EIF4EBP1: variants seen among roughly 807,000 people sequenced by gnomAD.
EIF4EBP1 encodes eukaryotic translation initiation factor 4E binding protein 1, also known as eukaryotic translation initiation factor 4E-binding protein 1.
In EIF4EBP1, 5 loss-of-function variants were observed where a neutral mutation model predicts 9.2. The ratio of observed to expected loss-of-function variants is 0.54; its 90% CI spans 0.28 to 1.14. The LOEUF (loss-of-function observed/expected upper bound fraction) is 1.14. Among genes scored for constraint, EIF4EBP1 ranks in the 50% most tolerant of loss-of-function variants. EIF4EBP1 has a pLI of 0.09. For missense variants in EIF4EBP1, 139 were observed against 169.6 expected (o/e 0.82, Z 1.00); for synonymous variants, 62 against 67.0 (o/e 0.93, Z 0.36).
intron 1 of EIF4EBP1, among the ~76,000 whole-genome samples, chr8:38,033,630 A>T (rs561600253): frequency 9.2e-5 from 14 of 152,052 alleles, no homozygotes; most frequent in Non-Finnish European, 2.1e-4. Flanking sequence ...CCATTGGAGT[A>T]AGTACCCCCC....
intron 1 of EIF4EBP1, among the ~76,000 whole-genome samples, chr8:38,033,480 CAA>C (rs763420653): frequency 1.4e-4 from 18 of 133,120 alleles, no homozygotes; most frequent in Non-Finnish European, 1.8e-4. Context: ...TGGAGTCTAG[CAA>C]AAAAAAAAAA....
chr8:38,039,732 T>C (rs763858583), intron 1 of EIF4EBP1, among the ~76,000 whole-genome samples: 7 of 152,156 alleles, frequency 4.6e-5, no homozygotes, highest in Admixed American at 1.3e-4. Flanking sequence ...TAAGATATTT[T>C]CTATGTATGG....
At chr8:38,047,625 C>T (rs145535746) in intron 1 of EIF4EBP1, among the ~76,000 whole-genome samples, 1,931 of 152,162 alleles carry the variant, frequency 0.013, 37 homozygotes, top group African/African-American at 0.044. Flanking sequence ...GCTGGGATTA[C>T]AGGCACATGC....
At chr8:38,045,704 CA>C (rs1484556897) in intron 1 of EIF4EBP1, among the ~76,000 whole-genome samples, 2 of 151,984 alleles carry the variant, frequency 1.3e-5, no homozygotes, top group Non-Finnish European at 2.9e-5. Context: ...GACTCTATCT[CA>C]AAAAATAATA....
chr8:38,032,428 GA>G (rs1026956693), intron 1 of EIF4EBP1, among the ~76,000 whole-genome samples: 1 of 152,196 alleles, frequency 6.6e-6, no homozygotes, highest in African/African-American at 2.4e-5. Flanking sequence ...TTGAGCCCAG[GA>G]GTTGGAGGCT....
intron 1 of EIF4EBP1, among the ~76,000 whole-genome samples, chr8:38,031,026 T>C (rs1036643657): frequency 6.6e-5 from 10 of 152,202 alleles, no homozygotes; most frequent in Admixed American, 3.9e-4. Context: ...CTTGTGGGTG[T>C]TGGGGGCGCT....
intron 1 of EIF4EBP1, among the ~76,000 whole-genome samples, chr8:38,040,163 G>A (rs1366441816): frequency 6.6e-6 from 1 of 152,210 alleles, no homozygotes; most frequent in Non-Finnish European, 1.5e-5. Context: ...GATTACAGAT[G>A]TGAGCCACTG....
At chr8:38,044,146 G>T (rs1284867515) in intron 1 of EIF4EBP1, among the ~76,000 whole-genome samples, 2 of 151,880 alleles carry the variant, frequency 1.3e-5, no homozygotes, top group Non-Finnish European at 2.9e-5. Flanking sequence ...CCTCTCCCTG[G>T]AATGGGAACA....
chr8:38,030,785 T>C lies in EIF4EBP1; in HGVS notation c.145+67T>C, dbSNP rs1293333453. The C allele has an allele frequency of 3.6e-6, 5 of 1,371,922 alleles. No homozygotes were observed. In the African/African-American group the frequency reaches 6.1e-5, roughly 17 times the overall value. 85.0% of individuals were successfully genotyped at this position (1,371,922 alleles called of 1,614,324 possible). On this transcript the variant is annotated intron_variant, in intron 1 of 2. Coordinates refer to ENST00000338825, the MANE Select transcript of EIF4EBP1 (RefSeq NM_004095.4). The stretch of plus-strand genomic sequence containing the variant: ...GGGCGGGAGGATCGGGAATCGCGGA[T>C]TGGACCGGGTGTCCAGGCTCAAGGG...
At chr8:38,040,297 C>T (rs1263741493) in intron 1 of EIF4EBP1, among the ~76,000 whole-genome samples, 1 of 152,194 alleles carries the variant, frequency 6.6e-6, no homozygotes, top group Non-Finnish European at 1.5e-5. Flanking sequence ...GAGTAAGTAA[C>T]TGCTGCTCAC....
In EIF4EBP1 at chr8:38,036,839, G is replaced by T. The variant is rs191709080; in HGVS notation, c.145+6121G>T. 3.8e-3 allele frequency among the ~76,000 whole-genome samples: 576 copies of T among 152,008 alleles called. 2 individuals are homozygous for T. Among genetic ancestry groups the T allele is most frequent in the South Asian group, 6.9e-3 (33 of 4,798 alleles). On this transcript the variant is annotated intron_variant, in intron 1 of 2. Coordinates refer to ENST00000338825, the MANE Select transcript of EIF4EBP1 (RefSeq NM_004095.4). ...AATTTTTGTATTTTTTGGTAGAGATGAGGTTTCGCCATGTTGCCCAGGCTG... is the reference window on the plus strand; with the variant it reads ...AATTTTTGTATTTTTTGGTAGAGATTAGGTTTCGCCATGTTGCCCAGGCTG...
intron 1 of EIF4EBP1, among the ~76,000 whole-genome samples, chr8:38,047,573 CT>C (rs1244806649): frequency 6.6e-6 from 1 of 151,942 alleles, no homozygotes; most frequent in Non-Finnish European, 1.5e-5. Flanking sequence ...CAACATCTGC[CT>C]CCCAGGTTCA....
intron 1 of EIF4EBP1, among the ~76,000 whole-genome samples, chr8:38,050,457 C>T (rs1585529115): frequency 6.6e-6 from 1 of 151,914 alleles, no homozygotes; most frequent in Non-Finnish European, 1.5e-5. Flanking sequence ...TCTGGTGATC[C>T]TCCCACCTCT....
In EIF4EBP1 at chr8:38,030,856, AG is replaced by A. The variant is rs914295085; in HGVS notation, c.145+141del. 65 of 1,287,684 alleles carry A rather than the reference AG, an allele frequency of 5.0e-5. 1 individual carries two copies. Among genetic ancestry groups the A allele is most frequent in the Non-Finnish European group, 6.2e-5 (62 of 997,830 alleles). 79.8% of individuals were successfully genotyped at this position (1,287,684 alleles called of 1,614,324 possible). On this transcript the variant is annotated intron_variant, in intron 1 of 2. Transcript: ENST00000338825. The stretch of plus-strand genomic sequence containing the variant: ...GAAAAGGGGCATCGGAGAGACAGCG[AG>A]GGTCATGGAAGTGGCCGCCCGCTTC...
chr8:38,046,183 G>T (rs1809446737), intron 1 of EIF4EBP1, among the ~76,000 whole-genome samples: 1 of 152,056 alleles, frequency 6.6e-6, no homozygotes, highest in Non-Finnish European at 1.5e-5. Flanking sequence ...GATTACAGGC[G>T]TGAGCTTCCC....
intron 1 of EIF4EBP1, among the ~76,000 whole-genome samples, chr8:38,050,700 C>T (rs777223188): frequency 6.6e-6 from 1 of 152,132 alleles, no homozygotes; most frequent in Non-Finnish European, 1.5e-5. Context: ...GCAGCCTCAA[C>T]TTCCTAGGCT....
intron 1 of EIF4EBP1, among the ~76,000 whole-genome samples, chr8:38,051,346 C>T (rs1809521665): frequency 6.6e-6 from 1 of 152,120 alleles, no homozygotes; most frequent in East Asian, 1.9e-4. Flanking sequence ...AGTTGGAGCT[C>T]TCCCTGCATC....
intron 1 of EIF4EBP1, among the ~76,000 whole-genome samples, chr8:38,046,007 A>G (rs1190958715): frequency 6.6e-6 from 1 of 151,976 alleles, no homozygotes; most frequent in Non-Finnish European, 1.5e-5. Flanking sequence ...GGTTCAAGCA[A>G]TCCTCCTGCC....
chr8:38,056,549 T>C (rs923045064), intron 1 of EIF4EBP1, among the ~76,000 whole-genome samples: 6 of 151,704 alleles, frequency 4.0e-5, no homozygotes, highest in African/African-American at 1.2e-4. Flanking sequence ...GTGCAGTTGG[T>C]GGCCTGCAGA....
Sources: allele counts gnomAD v4.1 joint callset (sites outside exome capture counted in the v4.1 genomes callset), GRCh38; gene constraint gnomAD v4.1.1; transcripts MANE v1.5; gene names NCBI Gene and HGNC (gene_info 2026-07-23, HGNC 2026-07-21).